ZSWIM5: variants seen among roughly 807,000 people sequenced by gnomAD.
The protein encoded by ZSWIM5 is zinc finger SWIM-type containing 5, also known as zinc finger SWIM domain-containing protein 5.
Under a neutral mutation model 119.6 loss-of-function variants are expected in ZSWIM5, and 55 were observed. That is an observed-to-expected ratio of 0.46 (90% CI 0.37 to 0.58). ZSWIM5 has a LOEUF of 0.58. Among genes scored for constraint, ZSWIM5 ranks in the 20% least tolerant of loss-of-function variants. ZSWIM5 has a pLI of 0.00. For synonymous variants in ZSWIM5, 537 were observed against 606.9 expected, an observed-to-expected ratio of 0.88 and a Z score of 1.69; for missense variants, 1,193 against 1,512.8, an observed-to-expected ratio of 0.79 and a Z score of 3.51.
intron 2 of ZSWIM5, 138 bp from the exon 3 acceptor site, chr1:45,060,385 T>C (rs1186029971): frequency 4.1e-6 from 3 of 737,114 alleles, no homozygotes; most frequent in Non-Finnish European, 4.2e-6. Flanking sequence ...TGTATAGTCC[T>C]AAACAAAATA....
intron 1 of ZSWIM5, among the ~76,000 whole-genome samples, chr1:45,115,175 G>C (rs1216097587): frequency 2.6e-5 from 4 of 152,216 alleles, no homozygotes; most frequent in Non-Finnish European, 5.9e-5. Context: ...TCCCAGACGG[G>C]GTGGCCGCCG....
chr1:45,157,720 T>C (rs1013587934), intron 1 of ZSWIM5, among the ~76,000 whole-genome samples: 2 of 152,204 alleles, frequency 1.3e-5, no homozygotes, highest in Non-Finnish European at 2.9e-5. Context: ...CTTAGGAGAA[T>C]TTCTCGGTCA....
At chr1:45,187,056 T>C (rs2149051634) in intron 1 of ZSWIM5, among the ~76,000 whole-genome samples, 1 of 152,190 alleles carries the variant, frequency 6.6e-6, no homozygotes, top group East Asian at 1.9e-4. Context: ...TTCGATACAA[T>C]CGCTTTCAAA....
In ZSWIM5 at chr1:45,087,881, C is replaced by T. The variant is rs779686908; in HGVS notation, c.952G>A (p.Gly318Ser). The T allele has an allele frequency of 6.3e-7, 1 of 1,594,774 alleles. No homozygotes were observed. Among genetic ancestry groups the T allele is most frequent in the Admixed American group, 1.7e-5 (1 of 57,532 alleles). Residue 318 changes from glycine to serine, a missense_variant and splice_region_variant, in exon 2 of 14, where the codon GGT becomes AGT. Physicochemically the swap from Gly to Ser is moderately conservative, Grantham distance 56. Transcript: ENST00000359600. Reference sequence around the variant, plus strand: ...TTCAATAAAAAAGTTGTACAATTACCATTCACTTGGTTGATTTCTGAGTTG... The same window carrying T: ...TTCAATAAAAAAGTTGTACAATTACTATTCACTTGGTTGATTTCTGAGTTG... Reference protein sequence around the residue: ...SSNSEINQVNGAPDPTAGASI... With the variant: ...SSNSEINQVNSAPDPTAGASI...
intron 1 of ZSWIM5, among the ~76,000 whole-genome samples, chr1:45,133,969 T>C (rs994947897): frequency 4.6e-5 from 7 of 152,192 alleles, no homozygotes; most frequent in African/African-American, 1.7e-4. Flanking sequence ...CATGGGTCTA[T>C]ATCTCTGTTT....
chr1:45,153,568 T>C (rs527620388), intron 1 of ZSWIM5, among the ~76,000 whole-genome samples: 22 of 151,104 alleles, frequency 1.5e-4, no homozygotes, highest in African/African-American at 5.1e-4. Flanking sequence ...ACCAGGTATA[T>C]ATCCAAAAGA....
intron 1 of ZSWIM5, among the ~76,000 whole-genome samples, chr1:45,166,856 T>C (rs11072782): frequency 2.7e-5 from 4 of 150,770 alleles, no homozygotes; most frequent in Admixed American, 2.0e-4. Flanking sequence ...TCCATGCTCA[T>C]GGATAGGAAG....
chr1:45,118,467 C>T (rs1433713152), intron 1 of ZSWIM5, among the ~76,000 whole-genome samples: 3 of 152,058 alleles, frequency 2.0e-5, no homozygotes, highest in Non-Finnish European at 2.9e-5. Context: ...TTTGGTGGGG[C>T]GAGGTGGCCC....
At chr1:45,130,448 C>T (rs1184405434) in intron 1 of ZSWIM5, among the ~76,000 whole-genome samples, 2 of 151,728 alleles carry the variant, frequency 1.3e-5, no homozygotes, top group East Asian at 3.9e-4. Context: ...CATGAAGAGA[C>T]ATCTCACCAA....
intron 1 of ZSWIM5, among the ~76,000 whole-genome samples, chr1:45,170,414 G>A (rs1645938951): frequency 6.6e-6 from 1 of 150,692 alleles, no homozygotes; most frequent in African/African-American, 2.4e-5. Context: ...ACAAACAAAG[G>A]CTATAAAATC....
intron 1 of ZSWIM5, among the ~76,000 whole-genome samples, chr1:45,205,452 T>C (rs1157044859): frequency 3.3e-5 from 5 of 152,114 alleles, no homozygotes; most frequent in Non-Finnish European, 5.9e-5. Flanking sequence ...TTTCTGAAAT[T>C]ATTACATCCA....
chr1:45,176,423 C>A (rs1008011419), intron 1 of ZSWIM5, among the ~76,000 whole-genome samples: 4 of 151,876 alleles, frequency 2.6e-5, no homozygotes, highest in African/African-American at 9.7e-5. Context: ...GCCACCACAC[C>A]GAGCTAATTT....
intron 1 of ZSWIM5, among the ~76,000 whole-genome samples, chr1:45,188,006 T>A (rs996184841): frequency 2.0e-5 from 3 of 152,212 alleles, no homozygotes; most frequent in Admixed American, 2.0e-4. Context: ...ATAGTAGAAT[T>A]ATAAAATGAT....
In ZSWIM5 at chr1:45,106,170, C is replaced by T. The variant is rs565380815; in HGVS notation, c.596-17933G>A. ...GGGCGTCTCTGCCCGGCCGCCCCGTCGGGGAAGTGGGCGCCTCTGCCCGGC... is the reference window on the plus strand; with the variant it reads ...GGGCGTCTCTGCCCGGCCGCCCCGTTGGGGAAGTGGGCGCCTCTGCCCGGC... On this transcript the variant is annotated intron_variant, in intron 1 of 13. Transcript: ENST00000359600. Among the ~76,000 whole-genome samples the T allele has an allele frequency of 4.1e-5, 5 of 120,784 alleles. No individual in the cohort carries two copies. In the South Asian group the frequency reaches 1.1e-3, roughly 27 times the overall value. 79.2% of individuals were successfully genotyped at this position (120,784 alleles called of 152,430 possible). A position where few individuals can be genotyped will look rare whatever the true frequency, so the allele number is the denominator to read the frequency against.
rs78973781 is a variant in ZSWIM5, at chr1:45,129,820, T to C, written c.596-41583A>G. 7.7e-3 allele frequency among the ~76,000 whole-genome samples: 1,173 copies of C among 152,262 alleles called. 15 individuals are homozygous for C. The highest frequency in any genetic ancestry group is 0.027 in the African/African-American group (1,112 of 41,552). ...ATTAAATGTAAAGTTATAAAAGTTT[T>C]AGAAGAATAGAAAAAAATCTTCAGG... On this transcript the variant is annotated intron_variant, in intron 1 of 13. Transcript: ENST00000359600.
chr1:45,034,496 C>T (rs764125664), intron 10 of ZSWIM5, 27 bp from the exon 11 acceptor site: 2 of 1,581,508 alleles, frequency 1.3e-6, no homozygotes, highest in African/African-American at 2.7e-5. Flanking sequence ...GAATCATCAG[C>T]CACCATCCAG....
chr1:45,043,910 A>G (rs1444800119), intron 5 of ZSWIM5, among the ~76,000 whole-genome samples: 1 of 152,182 alleles, frequency 6.6e-6, no homozygotes, highest in African/African-American at 2.4e-5. Context: ...AGCTGAAGCT[A>G]TGGTGGCTCC....
chr1:45,051,809 A>T lies in ZSWIM5; in HGVS notation c.1253-556T>A, dbSNP rs1485610043. Among the ~76,000 whole-genome samples, 3 of 152,164 alleles carry T rather than the reference A, an allele frequency of 2.0e-5. No individual in the cohort carries two copies. The East Asian group carries it at 5.8e-4, about 29-fold the overall frequency. ...ATCAAATCATTCAATTGTAAAACTG[A>T]GATCATAAAAATACCTACTTTGTAG... On this transcript the variant is annotated intron_variant, in intron 4 of 13. Transcript: ENST00000359600.
chr1:45,107,567 G>A (rs1440482418), intron 1 of ZSWIM5, among the ~76,000 whole-genome samples: 8 of 149,194 alleles, frequency 5.4e-5, no homozygotes, highest in South Asian at 2.2e-4. Context: ...GCGTGAACCC[G>A]GGAGGCGGAG....
Sources: gnomAD v4.1 joint callset for allele counts (sites outside exome capture counted in the v4.1 genomes callset) on GRCh38, gnomAD v4.1.1 for gene constraint, MANE v1.5 for transcripts, NCBI Gene and HGNC (gene_info 2026-07-23, HGNC 2026-07-21) for gene names.